Variants in NMNAT2 observed in about 807,000 individuals in gnomAD.
The protein encoded by NMNAT2 is nicotinamide/nicotinic acid mononucleotide adenylyltransferase 2.
A neutral mutation model predicts 41.6 loss-of-function variants in NMNAT2; 11 were observed. The observed-to-expected ratio is 0.26, with a 90% CI of 0.17 to 0.44. The LOEUF (loss-of-function observed/expected upper bound fraction) is 0.44, where lower values mean the gene tolerates loss of function less well. NMNAT2 is among the 20% of genes least tolerant of loss of function. The pLI, the probability that NMNAT2 is intolerant of heterozygous loss-of-function variation, is 1.00. For synonymous variants in NMNAT2, 148 were observed against 151.2 expected, an observed-to-expected ratio of 0.98 and a Z score of 0.16; for missense variants, 288 against 407.7, an observed-to-expected ratio of 0.71 and a Z score of 2.53.
chr1:183,409,888 T>A (rs1393686782), intron 1 of NMNAT2, among the ~76,000 whole-genome samples: 2 of 152,268 alleles, frequency 1.3e-5, no homozygotes, highest in African/African-American at 4.8e-5. Context: ...GAACAACCTA[T>A]CAGGGGGGTG....
chr1:183,281,218 C>T (rs1661259333), intron 7 of NMNAT2, among the ~76,000 whole-genome samples: 1 of 152,178 alleles, frequency 6.6e-6, no homozygotes, highest in Admixed American at 6.5e-5. Context: ...TCAGCTTTCT[C>T]TCATCACTGG....
chr1:183,346,115 A>G (rs1184347648), intron 1 of NMNAT2, among the ~76,000 whole-genome samples: 3 of 152,088 alleles, frequency 2.0e-5, no homozygotes, highest in Non-Finnish European at 4.4e-5. Context: ...CCCAGCTCCA[A>G]TTCTACTGCT....
chr1:183,361,969 G>A (rs983668721), intron 1 of NMNAT2, among the ~76,000 whole-genome samples: 3 of 152,066 alleles, frequency 2.0e-5, no homozygotes, highest in African/African-American at 4.8e-5. Context: ...ATGGAGTTTC[G>A]CTCTTTTGCC....
chr1:183,285,700 TTC>T (rs1661382701), intron 5 of NMNAT2, among the ~76,000 whole-genome samples: 1 of 152,210 alleles, frequency 6.6e-6, no homozygotes, highest in Non-Finnish European at 1.5e-5. Flanking sequence ...TGAATATGAA[TTC>T]TAGCTCTTCT....
At chr1:183,389,577 A>G (rs1648377010) in intron 1 of NMNAT2, among the ~76,000 whole-genome samples, 1 of 151,440 alleles carries the variant, frequency 6.6e-6, no homozygotes, top group Non-Finnish European at 1.5e-5. Context: ...TAGGTATTAA[A>G]GAGGTTAGAT....
At chr1:183,369,052 T>C (rs1208631219) in intron 1 of NMNAT2, among the ~76,000 whole-genome samples, 1 of 152,156 alleles carries the variant, frequency 6.6e-6, no homozygotes, top group African/African-American at 2.4e-5. Context: ...TCACGGCAAC[T>C]CTGAGCCAGC....
At chr1:183,418,110 G>T in intron 1 of NMNAT2, 73 bp downstream of exon 1, 2 of 1,408,472 alleles carry the variant, frequency 1.4e-6, no homozygotes, top group South Asian at 1.2e-5. Context: ...CCGTTCGATC[G>T]CCCTGGAAAA....
intron 4 of NMNAT2, among the ~76,000 whole-genome samples, chr1:183,287,334 C>T (rs1032404733): frequency 4.6e-5 from 7 of 152,268 alleles, no homozygotes; most frequent in Admixed American, 1.3e-4. Flanking sequence ...TCACCACCTG[C>T]GGCCTCTTTG....
chr1:183,349,598 G>C (rs1663001571), intron 1 of NMNAT2, among the ~76,000 whole-genome samples: 1 of 152,270 alleles, frequency 6.6e-6, no homozygotes, highest in Non-Finnish European at 1.5e-5. Context: ...GTCTTTGCAT[G>C]TTTGTGTCTA....
chr1:183,281,909 C>T (rs1284840998), intron 7 of NMNAT2, among the ~76,000 whole-genome samples: 1 of 152,242 alleles, frequency 6.6e-6, no homozygotes, highest in African/African-American at 2.4e-5. Flanking sequence ...GAGCTCCCTT[C>T]CAGCTCCTCT....
intron 2 of NMNAT2, among the ~76,000 whole-genome samples, chr1:183,293,455 C>T (rs77283558): frequency 0.015 from 2,357 of 152,370 alleles, 47 homozygotes; most frequent in African/African-American, 0.054. Context: ...TTCAGTGAGT[C>T]CTGACCAGCC....
intron 1 of NMNAT2, among the ~76,000 whole-genome samples, chr1:183,352,549 TCA>T (rs1187207146): frequency 8.6e-6 from 1 of 115,966 alleles, no homozygotes; most frequent in Non-Finnish European, 1.6e-5. Context: ...GATGATGGAG[TCA>T]CAGTCTGTCT....
At chr1:183,256,157 C>T (rs181289942) in intron 10 of NMNAT2, among the ~76,000 whole-genome samples, 324 of 152,108 alleles carry the variant, frequency 2.1e-3, no homozygotes, top group Non-Finnish European at 3.2e-3. Flanking sequence ...CGTGTAATCC[C>T]AGCACTTTGG....
intron 1 of NMNAT2, among the ~76,000 whole-genome samples, chr1:183,381,144 G>C (rs1663795132): frequency 6.6e-6 from 1 of 152,070 alleles, no homozygotes; most frequent in South Asian, 2.1e-4. Context: ...TGGTTGTGAG[G>C]GTGTGTGGGA....
In NMNAT2 at chr1:183,353,910, C is replaced by T. The variant is rs117347271; in HGVS notation, c.86-60117G>A. Among the ~76,000 whole-genome samples, 76 of 152,208 alleles carry T rather than the reference C, an allele frequency of 5.0e-4. 1 individual carries two copies. The East Asian group carries it at 0.014, about 28-fold the overall frequency. On this transcript the variant is annotated intron_variant, in intron 1 of 10. Transcript: ENST00000287713. ...ACCTGGGAGTCAGGAAGCTCCAACCCCCTACTCTGGAATTGGCTCCATTCC... is the reference window on the plus strand; with the variant it reads ...ACCTGGGAGTCAGGAAGCTCCAACCTCCTACTCTGGAATTGGCTCCATTCC...
intron 1 of NMNAT2, among the ~76,000 whole-genome samples, chr1:183,306,738 A>G (rs1409923065): frequency 6.6e-6 from 1 of 152,204 alleles, no homozygotes; most frequent in Non-Finnish European, 1.5e-5. Context: ...GTAATTCCTT[A>G]GGTTAAAATA....
intron 1 of NMNAT2, among the ~76,000 whole-genome samples, chr1:183,344,996 T>C (rs1485925130): frequency 6.6e-6 from 1 of 152,176 alleles, no homozygotes; most frequent in Non-Finnish European, 1.5e-5. Flanking sequence ...TTGTAAAAAG[T>C]TGTCATCTCC....
At chr1:183,393,834 G>A (rs1356732250) in intron 1 of NMNAT2, among the ~76,000 whole-genome samples, 1 of 152,172 alleles carries the variant, frequency 6.6e-6, no homozygotes, top group Non-Finnish European at 1.5e-5. Context: ...GGGATTACAT[G>A]CGTGAGCCAC....
At chr1:183,379,701 C>T (rs1663761279) in intron 1 of NMNAT2, among the ~76,000 whole-genome samples, 1 of 152,090 alleles carries the variant, frequency 6.6e-6, no homozygotes, top group South Asian at 2.1e-4. Flanking sequence ...TGTGTATGCA[C>T]CTAACAACAG....
Sources: allele counts gnomAD v4.1 joint callset (sites outside exome capture counted in the v4.1 genomes callset), GRCh38; gene constraint gnomAD v4.1.1; transcripts MANE v1.5; gene names NCBI Gene and HGNC (gene_info 2026-07-23, HGNC 2026-07-21).